Variants in DAPK1 observed in about 807,000 individuals in gnomAD.
DAPK1 encodes death associated protein kinase 1.
DAPK1 carries 56 observed loss-of-function variants against 144.9 expected under a neutral mutation model. The ratio of observed to expected loss-of-function variants is 0.39; its 90% CI spans 0.31 to 0.48. The LOEUF is 0.48. Among genes scored for constraint, DAPK1 ranks in the 20% least tolerant of loss-of-function variants. The pLI, the probability that DAPK1 is intolerant of heterozygous loss-of-function variation, is 0.95. For missense variants in DAPK1, 1,454 were observed against 1,875.4 expected (o/e 0.78, Z 4.15); for synonymous variants, 690 against 749.0 (o/e 0.92, Z 1.29).
intron 2 of DAPK1, among the ~76,000 whole-genome samples, chr9:87,584,047 A>G (rs1827845316): frequency 6.6e-6 from 1 of 152,118 alleles, no homozygotes; most frequent in South Asian, 2.1e-4. Flanking sequence ...AATCTTTTTT[A>G]AATTATTTTT....
intron 2 of DAPK1, among the ~76,000 whole-genome samples, chr9:87,523,069 A>AT (rs148780942): frequency 0.023 from 3,414 of 150,998 alleles, 142 homozygotes; most frequent in African/African-American, 0.077. Context: ...TCTCCCCATG[A>AT]TTTTTTTTTG....
intron 3 of DAPK1, among the ~76,000 whole-genome samples, chr9:87,629,060 C>T (rs536181564): frequency 1.2e-4 from 18 of 152,318 alleles, no homozygotes; most frequent in African/African-American, 4.1e-4. Context: ...GAAGTCCTAA[C>T]CTCCAGGACC....
chr9:87,639,913 G>A, intron 7 of DAPK1, 98 bp downstream of exon 7: 1 of 1,303,618 alleles, frequency 7.7e-7, no homozygotes, highest in Non-Finnish European at 1.1e-6. Context: ...TTCAGCTTAT[G>A]CATGCTTTTG....
intron 2 of DAPK1, among the ~76,000 whole-genome samples, chr9:87,571,495 CCCAACACACACACACACACACACA>C (rs1827350424): frequency 3.3e-5 from 1 of 30,732 alleles, no homozygotes; most frequent in Non-Finnish European, 5.8e-5. Context: ...ACACACACAC[CCCAACACACACACACACACACACA>C]CACACACACC....
At chr9:87,674,294 T>C (rs1824279963) in intron 19 of DAPK1, among the ~76,000 whole-genome samples, 1 of 151,826 alleles carries the variant, frequency 6.6e-6, no homozygotes, top group Admixed American at 6.6e-5. Context: ...AGGTCAGTAG[T>C]TGAAAACCAG....
intron 2 of DAPK1, among the ~76,000 whole-genome samples, chr9:87,550,447 A>G (rs973521616): frequency 6.6e-6 from 1 of 152,254 alleles, no homozygotes; most frequent in African/African-American, 2.4e-5. Flanking sequence ...AATGTGTTCC[A>G]GGCTTCTCTG....
At chr9:87,611,278 A>C (rs1408130451) in intron 3 of DAPK1, among the ~76,000 whole-genome samples, 2 of 152,106 alleles carry the variant, frequency 1.3e-5, no homozygotes, top group Admixed American at 1.3e-4. Flanking sequence ...TTTTGTATTC[A>C]GTGGGTTTGG....
chr9:87,541,693 A>T (rs979142639), intron 2 of DAPK1, among the ~76,000 whole-genome samples: 5 of 152,172 alleles, frequency 3.3e-5, no homozygotes, highest in Non-Finnish European at 5.9e-5. Context: ...TGTGAGACTT[A>T]TTTTCAAACT....
At chr9:87,556,066 C>T (rs941320873) in intron 2 of DAPK1, among the ~76,000 whole-genome samples, 4 of 152,082 alleles carry the variant, frequency 2.6e-5, no homozygotes, top group African/African-American at 7.2e-5. Context: ...AATTACTGCC[C>T]GGGGCATATG....
chr9:87,685,184 A>G (rs907185882), intron 20 of DAPK1, among the ~76,000 whole-genome samples: 6 of 152,250 alleles, frequency 3.9e-5, no homozygotes, highest in African/African-American at 1.4e-4. Flanking sequence ...ACTTTCCTAC[A>G]GAAATAGAAT....
chr9:87,646,986 G>A (rs36213060), intron 13 of DAPK1, among the ~76,000 whole-genome samples: 2,900 of 152,262 alleles, frequency 0.019, 105 homozygotes, highest in African/African-American at 0.066. Context: ...GGGGAGATGA[G>A]GGTTTACAAA....
At chr9:87,676,978 C>T (rs1195983786) in intron 19 of DAPK1, among the ~76,000 whole-genome samples, 2 of 152,214 alleles carry the variant, frequency 1.3e-5, no homozygotes, top group Non-Finnish European at 2.9e-5. Flanking sequence ...AGTGCCTTGG[C>T]CTCTCCAAGC....
At chr9:87,645,717 A>G (rs1830242219) in intron 11 of DAPK1, among the ~76,000 whole-genome samples, 178 bp from the exon 12 acceptor site, 1 of 152,214 alleles carries the variant, frequency 6.6e-6, no homozygotes, top group Non-Finnish European at 1.5e-5. Context: ...TGTTTGCAAC[A>G]TGGAAGGGGC....
intron 2 of DAPK1, among the ~76,000 whole-genome samples, chr9:87,593,756 T>G (rs934816173): frequency 6.6e-6 from 1 of 152,250 alleles, no homozygotes; most frequent in Non-Finnish European, 1.5e-5. Context: ...TTGTCAATTT[T>G]TTTTCAGCCG....
At chr9:87,563,860 G>A (rs537165264) in intron 2 of DAPK1, among the ~76,000 whole-genome samples, 2 of 152,294 alleles carry the variant, frequency 1.3e-5, no homozygotes, top group South Asian at 4.2e-4. Flanking sequence ...TTGCCATTTG[G>A]GCCCCTAAGG....
At chr9:87,634,744 C>T (rs929302157) in intron 3 of DAPK1, among the ~76,000 whole-genome samples, 66 of 152,274 alleles carry the variant, frequency 4.3e-4, no homozygotes, top group East Asian at 1.7e-3. Flanking sequence ...CCCAGGTCAC[C>T]GCTGCAGTGC....
intron 2 of DAPK1, among the ~76,000 whole-genome samples, chr9:87,502,009 T>C (rs931886841): frequency 1.3e-5 from 2 of 152,206 alleles, no homozygotes; most frequent in Non-Finnish European, 2.9e-5. Flanking sequence ...GTAAAAGTAG[T>C]TGATCAGCAG....
intron 1 of DAPK1, among the ~76,000 whole-genome samples, chr9:87,498,318 C>G (rs1197239720): frequency 6.6e-6 from 1 of 152,156 alleles, no homozygotes; most frequent in Admixed American, 6.5e-5. Context: ...GGCGCCGGCC[C>G]GACCAGGCGC....
rs759140492 is a variant in DAPK1 at position 87,703,020 on chromosome 9, C to G, written c.2872-9C>G. The stretch of plus-strand genomic sequence containing the variant: ...GGTGAGTTAACCTGTCTGGCCCTGC[C>G]CCCTCTAGGTCTGTCCTCCCATGAC... On this transcript the variant is annotated splice_polypyrimidine_tract_variant and intron_variant, in intron 24 of 25. Transcript: ENST00000408954. The G allele has an allele frequency of 2.0e-6, 3 of 1,471,248 alleles. No individual in the cohort carries two copies. The highest frequency in any genetic ancestry group is 2.9e-6 in the Non-Finnish European group (3 of 1,051,004). The allele number at this position is 1,471,248 out of a possible 1,614,324, so 91.1% of individuals were successfully genotyped here. A position where few individuals can be genotyped will look rare whatever the true frequency, so the allele number is the denominator to read the frequency against.
Sources: allele counts gnomAD v4.1 joint callset (sites outside exome capture counted in the v4.1 genomes callset), GRCh38; gene constraint gnomAD v4.1.1; transcripts MANE v1.5; gene names NCBI Gene and HGNC (gene_info 2026-07-23, HGNC 2026-07-21).